Variants in CD82 observed in about 807,000 individuals in gnomAD.
The protein encoded by CD82 is CD82 antigen.
In CD82, 36 loss-of-function variants were observed where a neutral mutation model predicts 37.4. The ratio of observed to expected loss-of-function variants is 0.96; its 90% CI spans 0.74 to 1.27. CD82 has a LOEUF of 1.27. Among genes scored for constraint, CD82 ranks in the 50% most tolerant of loss-of-function variants. The pLI is 0.00. For synonymous variants in CD82, 158 were observed against 137.4 expected, an observed-to-expected ratio of 1.15 and a Z score of -1.05; for missense variants, 340 against 347.0, an observed-to-expected ratio of 0.98 and a Z score of 0.16.
At chr11:44,595,909 A>C (rs1853217068) in intron 3 of CD82, among the ~76,000 whole-genome samples, 1 of 63,820 alleles carries the variant, frequency 1.6e-5, no homozygotes, top group Non-Finnish European at 3.0e-5. Context: ...GTTTCTCTAC[A>C]AAAAAAAAAA....
intron 6 of CD82, among the ~76,000 whole-genome samples, chr11:44,614,656 G>A (rs1368909625): frequency 3.3e-5 from 5 of 152,174 alleles, no homozygotes; most frequent in African/African-American, 1.2e-4. Context: ...AAGGGAGGCC[G>A]GGGAGGGGTG....
rs188929815 is a variant in CD82, at chr11:44,572,283, A to G, written c.-103+6547A>G. 2.2e-3 allele frequency among the ~76,000 whole-genome samples: 340 copies of G among 152,356 alleles called. 3 individuals carry two copies. Among genetic ancestry groups the G allele is most frequent in the African/African-American group, 7.9e-3 (328 of 41,580 alleles). On this transcript the variant is annotated intron_variant, in intron 1 of 9. Transcript: ENST00000227155. Reference sequence around the variant, plus strand: ...GGCAACTACATGTAACGTACCCGTTACGAAATACAATTATATAGATTAGAT... The same window carrying G: ...GGCAACTACATGTAACGTACCCGTTGCGAAATACAATTATATAGATTAGAT...
chr11:44,578,870 T>C (rs933351767), intron 1 of CD82, among the ~76,000 whole-genome samples: 8 of 152,158 alleles, frequency 5.3e-5, no homozygotes, highest in African/African-American at 1.4e-4. Flanking sequence ...AGGGGAGTGA[T>C]TGATCACAGC....
chr11:44,609,020 G>A (rs1467906386), intron 6 of CD82, among the ~76,000 whole-genome samples: 1 of 152,228 alleles, frequency 6.6e-6, no homozygotes, highest in Non-Finnish European at 1.5e-5. Context: ...CCTGGTAAGG[G>A]CTCAATAGGT....
At chr11:44,568,737 G>T (rs78740913) in intron 1 of CD82, among the ~76,000 whole-genome samples, 1 of 152,136 alleles carries the variant, frequency 6.6e-6, no homozygotes, top group Non-Finnish European at 1.5e-5. Flanking sequence ...CTGTCTTGAG[G>T]CCTCACGCTT....
Position 44,618,639 on chromosome 11 carries a change from G to C in CD82, c.643-1G>C, listed in dbSNP as rs899428880. 7 of 1,610,568 alleles carry C rather than the reference G, an allele frequency of 4.3e-6. No individual in the cohort carries two copies. Among genetic ancestry groups the C allele is most frequent in the Non-Finnish European group, 5.1e-6 (6 of 1,179,556 alleles). On this transcript the variant is annotated splice_acceptor_variant, in intron 8 of 9. Coordinates refer to ENST00000227155, the MANE Select transcript of CD82 (RefSeq NM_002231.4). LOFTEE classifies it high-confidence loss of function. ...GATGTGACCGCATTCTGCCCTTGCA[G>C]GGCTGCATGGAGAAGGTGCAGGCGT...
At chr11:44,601,085 G>C (rs1055425774) in intron 4 of CD82, among the ~76,000 whole-genome samples, 2 of 45,722 alleles carry the variant, frequency 4.4e-5, no homozygotes, top group African/African-American at 9.7e-5. Context: ...TGACTTCTCA[G>C]GGGCTCCCTG....
intron 6 of CD82, among the ~76,000 whole-genome samples, chr11:44,608,351 C>T (rs1357549292): frequency 6.6e-6 from 1 of 152,126 alleles, no homozygotes; most frequent in African/African-American, 2.4e-5. Context: ...CTCAGGGCAG[C>T]GATGGGGAGG....
chr11:44,608,083 T>C (rs1466530729), intron 6 of CD82: 1 of 152,186 alleles, frequency 6.6e-6, no homozygotes, highest in Non-Finnish European at 1.5e-5. Context: ...TGCCACTGTA[T>C]CGCCCGAATT....
In CD82 at chr11:44,614,693, G is replaced by A. The variant is rs186852129; in HGVS notation, c.337-579G>A. On this transcript the variant is annotated intron_variant, in intron 6 of 9. Coordinates refer to ENST00000227155, the MANE Select transcript of CD82 (RefSeq NM_002231.4). The stretch of plus-strand genomic sequence containing the variant: ...TTGATTGGTTGGGGGAGAGGGGATG[G>A]GGAAGGGCTGATATTTTGTAGAGTG... Among the ~76,000 whole-genome samples, 15 of 152,296 alleles carry A rather than the reference G, an allele frequency of 9.8e-5. No individual in the cohort carries two copies. In the East Asian group the frequency reaches 2.9e-3, roughly 29 times the overall value.
chr11:44,587,905 G>A (rs1853080422), intron 2 of CD82: 1 of 270,576 alleles, frequency 3.7e-6, no homozygotes, highest in African/African-American at 2.2e-5. Flanking sequence ...GAACTTGAAA[G>A]CCCTGGTGTT....
chr11:44,595,313 T>C (rs979078851), intron 3 of CD82, among the ~76,000 whole-genome samples: 3 of 152,206 alleles, frequency 2.0e-5, no homozygotes, highest in Non-Finnish European at 4.4e-5. Flanking sequence ...CTGCTGGTTT[T>C]CCTGGGGCCT....
chr11:44,599,486 A>C (rs926477694), intron 3 of CD82, among the ~76,000 whole-genome samples: 4 of 152,230 alleles, frequency 2.6e-5, no homozygotes, highest in Non-Finnish European at 1.5e-5. Flanking sequence ...TTGGTTCATC[A>C]GCTCATTCAT....
At position 44,605,151 on chromosome 11, in the gene CD82, CCGTCAACGAG is replaced by C; in HGVS notation, c.231_240del (p.Val78SerfsTer14). ...ATGGGCTTCCTGGGCTGCATCGGCG[CCGTCAACGAG>C]GTCCGCTGCCTGCTGGGGCTGGTGA... On this transcript the variant is annotated frameshift_variant, in exon 5 of 10. Coordinates refer to ENST00000227155, the MANE Select transcript of CD82 (RefSeq NM_002231.4). LOFTEE classifies it high-confidence loss of function. The C allele has an allele frequency of 6.2e-7, 1 of 1,614,182 alleles. No individual in the cohort carries two copies. The highest frequency in any genetic ancestry group is 8.5e-7 in the Non-Finnish European group (1 of 1,180,028).
chr11:44,604,883 CA>C, intron 4 of CD82, 174 bp from the exon 5 acceptor site: 1 of 777,006 alleles, frequency 1.3e-6, no homozygotes, highest in Non-Finnish European at 2.1e-6. Flanking sequence ...GGGAGGGACA[CA>C]AGTGGGGATG....
At chr11:44,565,136 A>C (rs1852709054), upstream of CD82, among the ~76,000 whole-genome samples, 1 of 152,178 alleles carries the variant, frequency 6.6e-6, no homozygotes, top group Admixed American at 6.5e-5. Flanking sequence ...TGGGGGCCCC[A>C]GGGCTACCCG....
At chr11:44,573,296 CT>C (rs2134619057) in intron 1 of CD82, 1 of 152,316 alleles carries the variant, frequency 6.6e-6, no homozygotes, top group East Asian at 1.9e-4. Flanking sequence ...GTAAATTATA[CT>C]AGTACAGTTG....
intron 6 of CD82, among the ~76,000 whole-genome samples, chr11:44,612,283 G>T (rs548392332): frequency 5.9e-5 from 9 of 152,182 alleles, no homozygotes; most frequent in Admixed American, 3.3e-4. Flanking sequence ...CACTTCTTCC[G>T]CATGTTGGCT....
intron 3 of CD82, among the ~76,000 whole-genome samples, chr11:44,596,702 G>C (rs1161232580): frequency 6.6e-6 from 1 of 152,128 alleles, no homozygotes; most frequent in East Asian, 1.9e-4. Flanking sequence ...CAGCTTGTAT[G>C]ACAGGAGGGT....
Sources: gnomAD v4.1 joint callset for allele counts (sites outside exome capture counted in the v4.1 genomes callset) on GRCh38, gnomAD v4.1.1 for gene constraint, MANE v1.5 for transcripts, NCBI Gene and HGNC (gene_info 2026-07-23, HGNC 2026-07-21) for gene names.